Variants in IMPA2 observed in about 807,000 individuals in gnomAD.
IMPA2 encodes IMP 2.
A neutral mutation model predicts 35.1 loss-of-function variants in IMPA2; 32 were observed. The ratio of observed to expected loss-of-function variants is 0.91; its 90% CI spans 0.69 to 1.23. The LOEUF (loss-of-function observed/expected upper bound fraction) is 1.23, where lower values mean the gene tolerates loss of function less well. Ranked by LOEUF, IMPA2 falls within the 50% of genes most tolerant of loss-of-function variation. The pLI is 0.00. For synonymous variants in IMPA2, 135 were observed against 160.6 expected, an observed-to-expected ratio of 0.84 and a Z score of 1.20; for missense variants, 334 against 387.6, an observed-to-expected ratio of 0.86 and a Z score of 1.16.
chr18:12,030,563 C>T lies in IMPA2; in HGVS notation c.*105C>T. The T allele has an allele frequency of 2.5e-6, 2 of 798,030 alleles. No individual in the cohort carries two copies. Among genetic ancestry groups the T allele is most frequent in the East Asian group, 5.1e-5 (2 of 38,924 alleles). The allele number at this position is 798,030 out of a possible 1,614,324, so 49.4% of individuals were successfully genotyped here. ...CTCCATGCCAGTGGCTCACGCTCTG[C>T]TCCTGGCTACCCCAGAGGGAGTTGT... On this transcript the variant is annotated 3_prime_UTR_variant, in exon 8 of 8. Coordinates refer to ENST00000269159, the MANE Select transcript of IMPA2 (RefSeq NM_014214.3).
intron 1 of IMPA2, among the ~76,000 whole-genome samples, chr18:11,997,906 G>A (rs1474665505): frequency 6.6e-6 from 1 of 152,228 alleles, no homozygotes; most frequent in African/African-American, 2.4e-5. Flanking sequence ...GGTGGCTTAC[G>A]CCTGTTATCC....
At chr18:11,998,691 T>C (rs2143789549) in intron 1 of IMPA2, among the ~76,000 whole-genome samples, 1 of 152,330 alleles carries the variant, frequency 6.6e-6, no homozygotes, top group South Asian at 2.1e-4. Context: ...GGAAGTTTCA[T>C]GCTCTTTTCA....
chr18:11,987,195 T>C (rs996095791), intron 1 of IMPA2, among the ~76,000 whole-genome samples: 2 of 152,104 alleles, frequency 1.3e-5, no homozygotes, highest in Non-Finnish European at 1.5e-5. Flanking sequence ...AGGTCTGGAG[T>C]GGGCACCAGA....
intron 1 of IMPA2, among the ~76,000 whole-genome samples, chr18:11,983,331 C>T (rs1906560513): frequency 6.6e-6 from 1 of 152,216 alleles, no homozygotes; most frequent in South Asian, 2.1e-4. Flanking sequence ...CCAGAGCAAG[C>T]ATCAGCCAGA....
chr18:12,009,349 C>G lies in IMPA2; in HGVS notation c.231-534C>G, dbSNP rs148143459. 2.5e-3 allele frequency among the ~76,000 whole-genome samples: 387 copies of G among 152,220 alleles called. 1 individual carries two copies. The Middle Eastern group carries it at 0.031, about 12-fold the overall frequency. On this transcript the variant is annotated intron_variant, in intron 2 of 7. Transcript: ENST00000269159. ...AGGGCACCTTTGGGAAATGAACCAGCTGCGGGGGGGCTCTGTTTGTCACCT... is the reference window on the plus strand; with the variant it reads ...AGGGCACCTTTGGGAAATGAACCAGGTGCGGGGGGGCTCTGTTTGTCACCT...
At chr18:11,982,412 A>G (rs1262233941) in intron 1 of IMPA2, among the ~76,000 whole-genome samples, 2 of 152,224 alleles carry the variant, frequency 1.3e-5, no homozygotes, top group African/African-American at 4.8e-5. Context: ...TACCTTTAGC[A>G]GTGCCTGACA....
Position 11,995,186 on chromosome 18 carries a change from C to T in IMPA2, c.97-3868C>T, listed in dbSNP as rs193039299. ...AAGAGGTATGGGGTGGGGTGGTCTG[C>T]TCCACAAAGTCATCCAGGGATCCAG... On this transcript the variant is annotated intron_variant, in intron 1 of 7. Coordinates refer to ENST00000269159, the MANE Select transcript of IMPA2 (RefSeq NM_014214.3). 1.8e-3 allele frequency among the ~76,000 whole-genome samples: 268 copies of T among 152,326 alleles called. 1 individual carries two copies. The highest frequency in any genetic ancestry group is 6.0e-3 in the African/African-American group (249 of 41,570).
At chr18:11,995,561 T>TTTTGAC (rs1906937450) in intron 1 of IMPA2, among the ~76,000 whole-genome samples, 1 of 152,028 alleles carries the variant, frequency 6.6e-6, no homozygotes, top group Admixed American at 6.5e-5. Flanking sequence ...CCTTCAGGGG[T>TTTTGAC]TTTGACTTTA....
At chr18:12,029,102 G>GTT in intron 7 of IMPA2, 109 bp downstream of exon 7, 4 of 394,206 alleles carry the variant, frequency 1.0e-5, no homozygotes, top group Non-Finnish European at 1.3e-5. Context: ...CTTCCCCAGA[G>GTT]TTTCTGTTTT....
intron 4 of IMPA2, chr18:12,012,417 TGGCTGGCCCTTGTCCCCCGTGGAG>T: frequency 1.7e-6 from 1 of 586,228 alleles, no homozygotes; most frequent in African/African-American, 1.9e-5. Flanking sequence ...TGGGGCTCCG[TGGCTGGCCCTTGTCCCCCGTGGAG>T]GGCTGGCCTC....
intron 6 of IMPA2, 71 bp downstream of exon 6, chr18:12,028,222 C>T (rs1159237562): frequency 1.4e-5 from 14 of 1,012,934 alleles, no homozygotes; most frequent in Non-Finnish European, 2.2e-5. Flanking sequence ...TGCTAAAACT[C>T]CCCTGGGATT....
At chr18:12,025,857 A>G (rs896897925) in intron 5 of IMPA2, among the ~76,000 whole-genome samples, 2 of 152,064 alleles carry the variant, frequency 1.3e-5, no homozygotes, top group Admixed American at 6.6e-5. Flanking sequence ...GGCGTAAGCC[A>G]TGCTCCTGGC....
At chr18:12,006,642 G>A (rs1220752743) in intron 2 of IMPA2, among the ~76,000 whole-genome samples, 13 of 152,170 alleles carry the variant, frequency 8.5e-5, no homozygotes, top group Non-Finnish European at 1.8e-4. Flanking sequence ...GGAGGAGGTC[G>A]CACAGCCTGA....
intron 1 of IMPA2, among the ~76,000 whole-genome samples, chr18:11,996,769 A>T (rs367751474): frequency 6.6e-6 from 1 of 152,162 alleles, no homozygotes; most frequent in East Asian, 1.9e-4. Context: ...CTGCTGCCAT[A>T]TCCTCTCTGG....
intron 2 of IMPA2, among the ~76,000 whole-genome samples, chr18:12,005,191 C>A (rs564604360): frequency 6.6e-6 from 1 of 152,174 alleles, no homozygotes; most frequent in African/African-American, 2.4e-5. Context: ...ACCTTGTAGG[C>A]GGGCAGGCAG....
At chr18:12,009,841 T>C in intron 2 of IMPA2, 42 bp from the exon 3 acceptor site, 1 of 1,478,130 alleles carries the variant, frequency 6.8e-7, no homozygotes, top group South Asian at 1.1e-5. Flanking sequence ...CGTTATTCTG[T>C]GTCCTTGGTG....
intron 5 of IMPA2, chr18:12,018,425 C>A (rs1034044658): frequency 6.6e-6 from 1 of 152,268 alleles, no homozygotes; most frequent in Non-Finnish European, 1.5e-5. Flanking sequence ...ATCATTCAGT[C>A]ATGGTTCCAC....
chr18:11,998,441 C>G (rs185013539), intron 1 of IMPA2, among the ~76,000 whole-genome samples: 1 of 152,334 alleles, frequency 6.6e-6, no homozygotes, highest in African/African-American at 2.4e-5. Context: ...ACAGCTGATG[C>G]TGCTCCAGCC....
At chr18:12,017,470 G>C in intron 5 of IMPA2, 1 of 230,072 alleles carries the variant, frequency 4.3e-6, no homozygotes, top group South Asian at 4.1e-5. Context: ...CAATTGTCTC[G>C]TTTTTATGGA....
Sources: allele counts gnomAD v4.1 joint callset (sites outside exome capture counted in the v4.1 genomes callset), GRCh38; gene constraint gnomAD v4.1.1; transcripts MANE v1.5; gene names NCBI Gene and HGNC (gene_info 2026-07-23, HGNC 2026-07-21).